Variants in GPC5 observed in about 807,000 individuals in gnomAD.
The protein encoded by GPC5 is glypican 5, also known as glypican-5.
A neutral mutation model predicts 53.9 loss-of-function variants in GPC5; 47 were observed. The ratio of observed to expected loss-of-function variants is 0.87; its 90% CI spans 0.69 to 1.11. GPC5 has a LOEUF of 1.11. Ranked by LOEUF, GPC5 falls within the 50% of genes most tolerant of loss-of-function variation. The probability of loss-of-function intolerance (pLI) is 0.00; values close to 1 mark genes in which losing one functional copy is unlikely to be tolerated. For missense variants in GPC5, 748 were observed against 713.1 expected, an observed-to-expected ratio of 1.05 and a Z score of -0.56; for synonymous variants, 286 against 263.3, an observed-to-expected ratio of 1.09 and a Z score of -0.84.
chr13:91,872,723 G>A (rs1023132402), intron 5 of GPC5, among the ~76,000 whole-genome samples: 1 of 152,070 alleles, frequency 6.6e-6, no homozygotes, highest in African/African-American at 2.4e-5. Flanking sequence ...CACATTGAAA[G>A]TGATAGAGAA....
chr13:92,290,921 A>C (rs1180926719), intron 7 of GPC5, among the ~76,000 whole-genome samples: 1 of 152,170 alleles, frequency 6.6e-6, no homozygotes, highest in South Asian at 2.1e-4. Context: ...GGCTGCGCAC[A>C]GTGCTTGTGG....
chr13:92,746,200 A>G (rs529272148), intron 7 of GPC5, among the ~76,000 whole-genome samples: 1 of 152,246 alleles, frequency 6.6e-6, no homozygotes, highest in South Asian at 2.1e-4. Context: ...CCAAGCCAGT[A>G]AAGTAGCTTT....
intron 2 of GPC5, among the ~76,000 whole-genome samples, chr13:91,545,224 T>C (rs2030211552): frequency 6.6e-6 from 1 of 152,218 alleles, no homozygotes; most frequent in African/African-American, 2.4e-5. Flanking sequence ...TGTGGACATA[T>C]TTAAAAACTG....
intron 2 of GPC5, among the ~76,000 whole-genome samples, chr13:91,553,798 A>G (rs1229033481): frequency 1.3e-5 from 2 of 152,106 alleles, no homozygotes; most frequent in East Asian, 3.9e-4. Flanking sequence ...AAAAGGAATA[A>G]AAAGCTCTCT....
At chr13:92,206,794 T>C (rs2042341026) in intron 7 of GPC5, among the ~76,000 whole-genome samples, 1 of 152,142 alleles carries the variant, frequency 6.6e-6, no homozygotes, top group African/African-American at 2.4e-5. Context: ...TAGAATCTCA[T>C]TCTGTCATTA....
chr13:92,431,246 T>C (rs1877069761), intron 7 of GPC5, among the ~76,000 whole-genome samples: 1 of 152,088 alleles, frequency 6.6e-6, no homozygotes, highest in Admixed American at 6.6e-5. Context: ...TCAAGAAAGT[T>C]TCATTCAAAT....
intron 2 of GPC5, among the ~76,000 whole-genome samples, chr13:91,631,194 C>A (rs1373759397): frequency 6.6e-6 from 1 of 152,112 alleles, no homozygotes; most frequent in Non-Finnish European, 1.5e-5. Flanking sequence ...GCAAGTGTAC[C>A]ACTTTGGTTT....
At chr13:92,249,505 G>C (rs184434781) in intron 7 of GPC5, among the ~76,000 whole-genome samples, 95 of 152,162 alleles carry the variant, frequency 6.2e-4, no homozygotes, top group Non-Finnish European at 1.1e-3. Flanking sequence ...CAGATAAGCA[G>C]AAGTCAGAAC....
At chr13:92,033,475 C>T (rs1047297776) in intron 6 of GPC5, among the ~76,000 whole-genome samples, 2 of 152,180 alleles carry the variant, frequency 1.3e-5, no homozygotes, top group Admixed American at 6.5e-5. Flanking sequence ...TAAATGGATA[C>T]ATTAGTTACA....
At chr13:92,522,552 G>T (rs1381562273) in intron 7 of GPC5, among the ~76,000 whole-genome samples, 1 of 152,126 alleles carries the variant, frequency 6.6e-6, no homozygotes, top group African/African-American at 2.4e-5. Flanking sequence ...CTCACTCATA[G>T]GTGGGAATTG....
intron 6 of GPC5, among the ~76,000 whole-genome samples, chr13:91,954,176 C>T (rs963920547): frequency 2.0e-5 from 3 of 152,122 alleles, no homozygotes; most frequent in African/African-American, 4.8e-5. Context: ...GGCATGACAT[C>T]GTTCTCATAC....
At chr13:92,150,995 C>G (rs1409632357) in intron 7 of GPC5, among the ~76,000 whole-genome samples, 1 of 151,842 alleles carries the variant, frequency 6.6e-6, no homozygotes, top group African/African-American at 2.4e-5. Flanking sequence ...CCATTCTTAT[C>G]TAGGTCTATT....
At chr13:91,607,087 A>G (rs113187260) in intron 2 of GPC5, among the ~76,000 whole-genome samples, 4,424 of 152,072 alleles carry the variant, frequency 0.029, 69 homozygotes, top group Middle Eastern at 0.051. Context: ...TCTCTTGTGG[A>G]GAGTCATTTA....
At chr13:92,703,468 C>A (rs1379646443) in intron 7 of GPC5, among the ~76,000 whole-genome samples, 3 of 151,330 alleles carry the variant, frequency 2.0e-5, no homozygotes, top group Non-Finnish European at 4.4e-5. Flanking sequence ...TTTTGAAAGT[C>A]TAGGGTTTTT....
At chr13:92,469,682 T>A (rs1035393737) in intron 7 of GPC5, among the ~76,000 whole-genome samples, 1 of 152,134 alleles carries the variant, frequency 6.6e-6, no homozygotes, top group African/African-American at 2.4e-5. Flanking sequence ...AAAATTTGTT[T>A]AATTGAACTT....
chr13:91,777,928 G>A (rs1455123624), intron 5 of GPC5, among the ~76,000 whole-genome samples: 2 of 152,074 alleles, frequency 1.3e-5, no homozygotes, highest in Non-Finnish European at 2.9e-5. Flanking sequence ...GATATGCTTG[G>A]CACCGCAATA....
rs1888986257 is a variant in GPC5 at position 92,738,023 on chromosome 13, CA to C, written c.1562-128256del. The stretch of plus-strand genomic sequence containing the variant: ...AGGTGATCCACCCACTTCAGCCTCC[CA>C]AAGTGCTGGGATTACAGGCATGAGC... On this transcript the variant is annotated intron_variant, in intron 7 of 7. Coordinates refer to ENST00000377067, the MANE Select transcript of GPC5 (RefSeq NM_004466.6). 2.6e-5 allele frequency among the ~76,000 whole-genome samples: 4 copies of C among 152,018 alleles called. No individual in the cohort carries two copies. In the South Asian group the frequency reaches 8.3e-4, roughly 32 times the overall value.
At chr13:92,384,097 T>G (rs1215420938) in intron 7 of GPC5, among the ~76,000 whole-genome samples, 1 of 149,170 alleles carries the variant, frequency 6.7e-6, no homozygotes, top group Non-Finnish European at 1.5e-5. Flanking sequence ...ATTGGCATAT[T>G]AAGATAGATA....
At chr13:92,749,766 A>G (rs534472552) in intron 7 of GPC5, among the ~76,000 whole-genome samples, 35 of 152,286 alleles carry the variant, frequency 2.3e-4, no homozygotes, top group African/African-American at 7.9e-4. Flanking sequence ...AAAGACATCT[A>G]CAGTTCATAG....
Sources: gnomAD v4.1 joint callset for allele counts (sites outside exome capture counted in the v4.1 genomes callset) on GRCh38, gnomAD v4.1.1 for gene constraint, MANE v1.5 for transcripts, NCBI Gene and HGNC (gene_info 2026-07-23, HGNC 2026-07-21) for gene names.